The following ZRANB3 variants were observed in gnomAD, a reference collection of about 807,000 sequenced individuals.
The protein encoded by ZRANB3 is DNA annealing helicase and endonuclease ZRANB3.
A neutral mutation model predicts 133.8 loss-of-function variants in ZRANB3; 125 were observed. The observed-to-expected ratio is 0.93, with a 90% CI of 0.81 to 1.08. The LOEUF is 1.08. Ranked by LOEUF, ZRANB3 falls within the 50% of genes least tolerant of loss-of-function variation. ZRANB3 has a pLI of 0.00. For missense variants in ZRANB3, 1,229 were observed against 1,275.5 expected, an observed-to-expected ratio of 0.96 and a Z score of 0.56; for synonymous variants, 387 against 432.7, an observed-to-expected ratio of 0.89 and a Z score of 1.31.
At chr2:135,330,579 G>C (rs1684087961) in intron 6 of ZRANB3, among the ~76,000 whole-genome samples, 1 of 152,126 alleles carries the variant, frequency 6.6e-6, no homozygotes, top group South Asian at 2.1e-4. Flanking sequence ...AAATGAGTTA[G>C]GGAGGATTCC....
intron 8 of ZRANB3, among the ~76,000 whole-genome samples, chr2:135,290,887 A>T (rs191193502): frequency 8.5e-5 from 13 of 152,292 alleles, no homozygotes; most frequent in African/African-American, 3.1e-4. Flanking sequence ...CCCCGAAATA[A>T]GTTTTCCAAA....
At chr2:135,254,734 G>A (rs1052650525) in intron 12 of ZRANB3, among the ~76,000 whole-genome samples, 1 of 151,592 alleles carries the variant, frequency 6.6e-6, no homozygotes, top group African/African-American at 2.4e-5. Flanking sequence ...CATCACCCCT[G>A]TTTAATTGTA....
intron 15 of ZRANB3, among the ~76,000 whole-genome samples, chr2:135,223,242 C>T (rs1263958799): frequency 1.3e-5 from 2 of 151,060 alleles, no homozygotes; most frequent in Non-Finnish European, 2.9e-5. Flanking sequence ...CGGAGCGAGA[C>T]TGTCCTAAAA....
In ZRANB3 at chr2:135,468,441, T is replaced by TA. The variant is rs558127219; in HGVS notation, c.161+35887dup. Among the ~76,000 whole-genome samples the TA allele has an allele frequency of 9.7e-4, 148 of 152,310 alleles. 1 individual carries two copies. The highest frequency in any genetic ancestry group is 3.4e-3 in the African/African-American group (143 of 41,560). ...CCTTTCATGCCATCTTCAACCAGTA[T>TA]ACTCTATGTATTTTCAACACACTTC... is the stretch of plus-strand genomic sequence containing the variant. On this transcript the variant is annotated intron_variant, in intron 2 of 20. Transcript: ENST00000264159.
At chr2:135,436,962 G>A (rs754373011) in intron 2 of ZRANB3, among the ~76,000 whole-genome samples, 2 of 152,132 alleles carry the variant, frequency 1.3e-5, no homozygotes, top group Non-Finnish European at 2.9e-5. Flanking sequence ...GATAAATTGT[G>A]CCATATTCTT....
At chr2:135,230,442 T>C (rs1694948426) in intron 13 of ZRANB3, 71 bp downstream of exon 13, 1 of 1,384,308 alleles carries the variant, frequency 7.2e-7, no homozygotes, top group African/African-American at 1.5e-5. Flanking sequence ...AACAGCAGTC[T>C]CTAAAAGCAC....
intron 2 of ZRANB3, among the ~76,000 whole-genome samples, chr2:135,454,346 G>T (rs1463578454): frequency 6.6e-6 from 1 of 152,100 alleles, no homozygotes; most frequent in Non-Finnish European, 1.5e-5. Flanking sequence ...TAAAAACATT[G>T]TTTCGGAGCC....
chr2:135,245,505 G>C (rs1695749605), intron 12 of ZRANB3, among the ~76,000 whole-genome samples: 1 of 152,012 alleles, frequency 6.6e-6, no homozygotes, highest in African/African-American at 2.4e-5. Context: ...AGGTTGGAGT[G>C]AAGTGGCACA....
chr2:135,401,390 C>T (rs1312488152), intron 2 of ZRANB3, among the ~76,000 whole-genome samples: 5 of 152,126 alleles, frequency 3.3e-5, no homozygotes, highest in African/African-American at 1.2e-4. Context: ...GCTTCCAAAT[C>T]ATCCCTCGAT....
Position 135,418,925 on chromosome 2 carries a change from C to CTTTTTTTTTTTTTTTT in ZRANB3, c.162-28121_162-28106dup, listed in dbSNP as rs769271961. Among the ~76,000 whole-genome samples the CTTTTTTTTTTTTTTTT allele has an allele frequency of 5.2e-4, 45 of 85,900 alleles. 1 individual carries two copies. Among genetic ancestry groups the CTTTTTTTTTTTTTTTT allele is most frequent in the African/African-American group, 1.3e-3 (28 of 22,110 alleles). 56.4% of individuals were successfully genotyped at this position (85,900 alleles called of 152,430 possible). A position where few individuals can be genotyped will look rare whatever the true frequency, so the allele number is the denominator to read the frequency against. ...AAGTAATGAAAAATAAGGATTCTCT[C>CTTTTTTTTTTTTTTTT]TTTTTTTTTTTTTTTTTTTTTTTTT... On this transcript the variant is annotated intron_variant, in intron 2 of 20. Coordinates refer to ENST00000264159, the MANE Select transcript of ZRANB3 (RefSeq NM_032143.4).
chr2:135,356,038 G>C (rs995343971), intron 3 of ZRANB3, among the ~76,000 whole-genome samples: 1 of 151,882 alleles, frequency 6.6e-6, no homozygotes, highest in Non-Finnish European at 1.5e-5. Flanking sequence ...TTCTGTGTTG[G>C]CTTGCCAGAC....
chr2:135,456,606 C>T (rs982326927), intron 2 of ZRANB3, among the ~76,000 whole-genome samples: 17 of 152,228 alleles, frequency 1.1e-4, no homozygotes, highest in African/African-American at 3.4e-4. Flanking sequence ...TAAAGTAGTT[C>T]TCATTCATCC....
At chr2:135,216,242 A>G in intron 17 of ZRANB3, among the ~76,000 whole-genome samples, 1 of 152,030 alleles carries the variant, frequency 6.6e-6, no homozygotes, top group East Asian at 1.9e-4. Flanking sequence ...TTAATCAACC[A>G]TGTTCTCGGT....
intron 12 of ZRANB3, among the ~76,000 whole-genome samples, chr2:135,232,517 C>T (rs1447442875): frequency 6.6e-5 from 10 of 152,166 alleles, no homozygotes; most frequent in South Asian, 4.1e-4. Flanking sequence ...CCCTGAACCC[C>T]GAGTAGCCTA....
intron 5 of ZRANB3, among the ~76,000 whole-genome samples, chr2:135,348,151 C>T (rs748879886): frequency 1.3e-5 from 2 of 151,558 alleles, no homozygotes; most frequent in Non-Finnish European, 2.9e-5. Context: ...CCCAGCTACT[C>T]GGGAGGCTGA....
chr2:135,358,728 A>G (rs114099393), intron 3 of ZRANB3, among the ~76,000 whole-genome samples: 339 of 152,322 alleles, frequency 2.2e-3, no homozygotes, highest in African/African-American at 7.8e-3. Context: ...TGTGCTGAAT[A>G]TAAGAATAAG....
intron 2 of ZRANB3, among the ~76,000 whole-genome samples, chr2:135,419,239 T>C (rs1688730993): frequency 6.6e-6 from 1 of 152,026 alleles, no homozygotes; most frequent in African/African-American, 2.4e-5. Context: ...ACCTAGGCTT[T>C]TTTTTTCTTA....
rs1347995616 is a variant in ZRANB3, at chr2:135,199,296, T to TG, written c.*1045_*1046insC. 8.1e-6 allele frequency: 1 copy of TG among 123,242 alleles called. No homozygotes were observed. The highest frequency in any genetic ancestry group is 1.6e-5 in the Non-Finnish European group (1 of 60,642). 7.6% of individuals were successfully genotyped at this position (123,242 alleles called of 1,614,324 possible). ...TTTGATAGTACGCTTAGTTTTTTTT[T>TG]TTGTTTGTTTGTTTGTTTGAGACGG... is the stretch of plus-strand genomic sequence containing the variant. On this transcript the variant is annotated 3_prime_UTR_variant, in exon 21 of 21. Coordinates refer to ENST00000264159, the MANE Select transcript of ZRANB3 (RefSeq NM_032143.4).
At chr2:135,303,842 T>C (rs1682557512) in intron 8 of ZRANB3, among the ~76,000 whole-genome samples, 1 of 152,226 alleles carries the variant, frequency 6.6e-6, no homozygotes, top group African/African-American at 2.4e-5. Context: ...TTTGTAGTTT[T>C]CAGTACATAT....
Sources: allele counts gnomAD v4.1 joint callset (sites outside exome capture counted in the v4.1 genomes callset), GRCh38; gene constraint gnomAD v4.1.1; transcripts MANE v1.5; gene names NCBI Gene and HGNC (gene_info 2026-07-23, HGNC 2026-07-21).